The following ZNF286A variants were observed in gnomAD, a reference collection of about 807,000 sequenced individuals.
ZNF286A encodes zinc finger protein 286A.
A neutral mutation model predicts 49.3 loss-of-function variants in ZNF286A; 34 were observed. The ratio of observed to expected loss-of-function variants is 0.69; its 90% CI spans 0.52 to 0.92. The LOEUF is 0.92. ZNF286A is among the 40% of genes least tolerant of loss of function. The probability of loss-of-function intolerance (pLI) is 0.00; values close to 1 mark genes in which losing one functional copy is unlikely to be tolerated. For synonymous variants in ZNF286A, 155 were observed against 200.4 expected (o/e 0.77, Z 1.91); for missense variants, 462 against 600.2 (o/e 0.77, Z 2.41).
At position 15,717,257 on chromosome 17, in the gene ZNF286A, ACAT is replaced by A. The variant is rs1967112920; in HGVS notation, c.1536_1538del (p.His512del). ...TTAAGTGCAGTTCATCTCTCATCAG[ACAT>A]CAAAGAGTTCACACTGAAGAGCAAC... On this transcript the variant is annotated inframe_deletion, in exon 6 of 6. Transcript: ENST00000583566. 1.2e-6 allele frequency: 2 copies of A among 1,604,804 alleles called. No homozygotes were observed. The highest frequency in any genetic ancestry group is 1.3e-5 in the African/African-American group (1 of 74,106).
Position 15,720,414 on chromosome 17 carries a change from GGACGTGACTTCTTTCTGC to G in ZNF286A, c.*3125_*3142del, listed in dbSNP as rs1271393571. On this transcript the variant is annotated 3_prime_UTR_variant, in exon 6 of 6. Coordinates refer to ENST00000583566, the MANE Select transcript of ZNF286A (RefSeq NM_001130842.2). ...TGTTCTGTGTCTTGTCATAAAGATG[GGACGTGACTTCTTTCTGC>G]TCTTGCTTCCATCTGGTGCTGTTTT... 1 of 149,982 alleles carries G rather than the reference GGACGTGACTTCTTTCTGC, an allele frequency of 6.7e-6. No individual in the cohort carries two copies. The highest frequency in any genetic ancestry group is 1.5e-5 in the Non-Finnish European group (1 of 67,686). 9.3% of individuals were successfully genotyped at this position (149,982 alleles called of 1,614,324 possible). A position where few individuals can be genotyped will look rare whatever the true frequency, so the allele number is the denominator to read the frequency against.
In ZNF286A at chr17:15,716,796, G is replaced by A; in HGVS notation, c.1072G>A (p.Glu358Lys). The A allele has an allele frequency of 6.2e-7, 1 of 1,613,882 alleles. No individual in the cohort carries two copies. Among genetic ancestry groups the A allele is most frequent in the African/African-American group, 1.3e-5 (1 of 75,048 alleles). The change falls in exon 6 of 6, where the codon GAA (glutamate) becomes AAA (lysine). Residue 358 changes from glutamate to lysine, a missense_variant. This residue lies in a region of ZNF286A where 201 missense variants were observed against 311.3 expected (regional missense o/e 0.65). Coordinates refer to ENST00000583566, the MANE Select transcript of ZNF286A (RefSeq NM_001130842.2). ...HTGVKPYECN[E>K]CDKAFIHSSA... ...TGGAGTGAAGCCTTATGAATGTAAT[G>A]AATGTGATAAAGCTTTTATTCATTC...
rs776900195 is a variant in ZNF286A, at chr17:15,706,436, G to C, written c.176G>C (p.Trp59Ser). ...GCCATGGACTTTACACCAGAGGAGTGGGGGAAGCTGGATCCTGCACAAAGG... is the reference window on the plus strand; with the variant it reads ...GCCATGGACTTTACACCAGAGGAGTCGGGGAAGCTGGATCCTGCACAAAGG... ...DVAMDFTPEEWGKLDPAQRDV... is the reference protein window; with the variant it reads ...DVAMDFTPEESGKLDPAQRDV... Residue 59 changes from tryptophan (W) to serine (S), a missense_variant, in exon 4 of 6, where the codon TGG (tryptophan) becomes TCG (serine). Transcript: ENST00000583566. The C allele has an allele frequency of 2.1e-5, 34 of 1,613,756 alleles. No individual in the cohort carries two copies. The highest frequency in any genetic ancestry group is 2.9e-5 in the Non-Finnish European group (34 of 1,179,920).
At chr17:15,703,773 G>A in intron 3 of ZNF286A, among the ~76,000 whole-genome samples, 1 of 152,062 alleles carries the variant, frequency 6.6e-6, no homozygotes, top group Non-Finnish European at 1.5e-5. Flanking sequence ...TATAATACAT[G>A]TGTTTCAAAC....
At chr17:15,711,865 C>CG (rs987948178) in intron 5 of ZNF286A, among the ~76,000 whole-genome samples, 53 of 101,974 alleles carry the variant, frequency 5.2e-4, no homozygotes, top group Non-Finnish European at 7.4e-4. Flanking sequence ...AATCTGCCCC[C>CG]CCCCCGGCTT....
In ZNF286A at chr17:15,718,872, C is replaced by T. The variant is rs533847754; in HGVS notation, c.*1582C>T. On this transcript the variant is annotated 3_prime_UTR_variant, in exon 6 of 6. Transcript: ENST00000583566. Reference sequence around the variant, plus strand: ...GGGGAGGTCTCAGGGAGCTTTTACTCATGGCAAAAGGCAAAGCCAGAGCAG... The same window carrying T: ...GGGGAGGTCTCAGGGAGCTTTTACTTATGGCAAAAGGCAAAGCCAGAGCAG... 1 of 139,184 alleles carries T rather than the reference C, an allele frequency of 7.2e-6. No individual in the cohort carries two copies. The highest frequency in any genetic ancestry group is 2.5e-4 in the South Asian group (1 of 3,976). 8.6% of individuals were successfully genotyped at this position (139,184 alleles called of 1,614,324 possible).
intron 3 of ZNF286A, chr17:15,704,638 A>G: frequency 2.5e-6 from 4 of 1,613,944 alleles, no homozygotes; most frequent in Non-Finnish European, 3.4e-6. Context: ...ATTGGCGCCC[A>G]CGTTCGGGTG....
chr17:15,710,657 T>A (rs1180378267), intron 5 of ZNF286A, among the ~76,000 whole-genome samples: 4 of 152,300 alleles, frequency 2.6e-5, no homozygotes, highest in Middle Eastern at 3.4e-3. Flanking sequence ...TTATTATTTT[T>A]AAAAAAGTTA....
intron 5 of ZNF286A, among the ~76,000 whole-genome samples, chr17:15,714,740 T>C (rs1173469152): frequency 6.6e-6 from 1 of 152,146 alleles, no homozygotes; most frequent in Non-Finnish European, 1.5e-5. Flanking sequence ...GACTGTTTTT[T>C]CCCAGTGACT....
chr17:15,710,197 G>A (rs572763051), intron 5 of ZNF286A, among the ~76,000 whole-genome samples: 3 of 152,286 alleles, frequency 2.0e-5, no homozygotes, highest in Admixed American at 6.5e-5. Context: ...AGCATTGCAA[G>A]TCAGTGAGAA....
At position 15,717,459 on chromosome 17, in the gene ZNF286A, C is replaced by T. The variant is rs1051355284; in HGVS notation, c.*169C>T. 134 of 1,170,124 alleles carry T rather than the reference C, an allele frequency of 1.1e-4. No individual in the cohort carries two copies. Among genetic ancestry groups the T allele is most frequent in the African/African-American group, 1.9e-4 (12 of 64,034 alleles). 72.5% of individuals were successfully genotyped at this position (1,170,124 alleles called of 1,614,324 possible). On this transcript the variant is annotated 3_prime_UTR_variant, in exon 6 of 6. Coordinates refer to ENST00000583566, the MANE Select transcript of ZNF286A (RefSeq NM_001130842.2). ...GAGCCATAAGCAGGTTCTTTATGTC[C>T]GTTAATTTGATAATTATGAAATCTA...
chr17:15,701,507 T>A (rs1173761032), intron 3 of ZNF286A: 3 of 315,496 alleles, frequency 9.5e-6, no homozygotes, highest in Non-Finnish European at 1.8e-5. Flanking sequence ...TATGCTCATT[T>A]CTGTGCTTGG....
rs201146166 is a variant in ZNF286A, at chr17:15,717,118, C to T, written c.1394C>T (p.Pro465Leu). The T allele has an allele frequency of 1.3e-4, 211 of 1,613,802 alleles. 1 individual carries two copies. The highest frequency in any genetic ancestry group is 1.7e-4 in the Non-Finnish European group (197 of 1,179,998). ...KHQRIHIGKK[P>L]YKCSECGKAF... ...CAAAGAATTCATATTGGAAAGAAAC[C>T]GTACAAATGTAGCGAGTGTGGAAAA... Residue 465 changes from proline (P) to leucine (L), a missense_variant, in exon 6 of 6, where the codon CCG (proline) becomes CTG (leucine). Coordinates refer to ENST00000583566, the MANE Select transcript of ZNF286A (RefSeq NM_001130842.2).
In ZNF286A at chr17:15,701,111, G is replaced by T. The variant is rs2601944; in HGVS notation, c.38-41G>T. ...TTTAGACTTTAAATCTGAGTGGCAC[G>T]TTAAGCCTAGGTCTCATCATTACTG... On this transcript the variant is annotated intron_variant, in intron 2 of 5. Coordinates refer to ENST00000583566, the MANE Select transcript of ZNF286A (RefSeq NM_001130842.2). The T allele has an allele frequency of 2.5e-6, 4 of 1,604,552 alleles. No individual in the cohort carries two copies. In the South Asian group the frequency reaches 3.3e-5, roughly 13 times the overall value.
chr17:15,712,566 A>AGAC (rs1318735509), intron 5 of ZNF286A, among the ~76,000 whole-genome samples: 1 of 152,232 alleles, frequency 6.6e-6, no homozygotes, highest in Non-Finnish European at 1.5e-5. Context: ...CGTGGTGGAA[A>AGAC]TCTACGCACA....
At chr17:15,705,714 T>A (rs1056077079) in intron 3 of ZNF286A, among the ~76,000 whole-genome samples, 3 of 152,246 alleles carry the variant, frequency 2.0e-5, no homozygotes, top group Non-Finnish European at 4.4e-5. Flanking sequence ...TCCTGTTGTC[T>A]ATGGGTTTAC....
chr17:15,701,129 C>G lies in ZNF286A; in HGVS notation c.38-23C>G, dbSNP rs775739598. 2.5e-6 allele frequency: 4 copies of G among 1,613,288 alleles called. No individual in the cohort carries two copies. In the South Asian group the frequency reaches 4.4e-5, roughly 18 times the overall value. On this transcript the variant is annotated intron_variant, in intron 2 of 5. Transcript: ENST00000583566. ...GTGGCACGTTAAGCCTAGGTCTCAT[C>G]ATTACTGCTTTCTTGTCGTTAGCTC... is the stretch of plus-strand genomic sequence containing the variant.
intron 3 of ZNF286A, among the ~76,000 whole-genome samples, chr17:15,702,287 G>A (rs1041450720): frequency 2.6e-5 from 4 of 152,090 alleles, no homozygotes; most frequent in African/African-American, 7.2e-5. Context: ...GGCTGAGGCG[G>A]GCAGATCACC....
intron 5 of ZNF286A, among the ~76,000 whole-genome samples, chr17:15,711,856 A>C (rs1435205777): frequency 2.4e-5 from 3 of 124,092 alleles, no homozygotes; most frequent in Admixed American, 8.3e-5. Flanking sequence ...TTTATCTGTA[A>C]TCTGCCCCCC....
Sources: gnomAD v4.1 joint callset for allele counts (sites outside exome capture counted in the v4.1 genomes callset) on GRCh38, gnomAD v4.1.1 for gene constraint, gnomAD v4.1.1 regional missense constraint, MANE v1.5 for transcripts, NCBI Gene and HGNC (gene_info 2026-07-23, HGNC 2026-07-21) for gene names.